Variants in LRRIQ1 observed in about 807,000 individuals in gnomAD.
LRRIQ1 encodes leucine rich repeats and IQ motif containing 1, also known as leucine-rich repeat- and IQ domain-containing protein 1.
LRRIQ1 carries 210 observed loss-of-function variants against 211.9 expected under a neutral mutation model. The observed-to-expected ratio is 0.99, with a 90% confidence interval of 0.89 to 1.11. The LOEUF (loss-of-function observed/expected upper bound fraction) is 1.11, where lower values mean the gene tolerates loss of function less well. Ranked by LOEUF, LRRIQ1 falls within the 50% of genes most tolerant of loss-of-function variation. LRRIQ1 has a pLI of 0.00. For missense variants in LRRIQ1, 2,136 were observed against 1,939.5 expected, an observed-to-expected ratio of 1.10 and a Z score of -1.90; for synonymous variants, 699 against 650.1, an observed-to-expected ratio of 1.08 and a Z score of -1.14.
intron 26 of LRRIQ1, among the ~76,000 whole-genome samples, chr12:85,240,945 T>C (rs1394238128): frequency 6.6e-6 from 1 of 152,092 alleles, no homozygotes; most frequent in African/African-American, 2.4e-5. Context: ...AATAGTTGAA[T>C]CTATACATAT....
intron 11 of LRRIQ1, among the ~76,000 whole-genome samples, chr12:85,077,013 G>A (rs1271230280): frequency 6.6e-6 from 1 of 152,130 alleles, no homozygotes; most frequent in Non-Finnish European, 1.5e-5. Flanking sequence ...TATACAACAT[G>A]TATAATCCTG....
intron 24 of LRRIQ1, among the ~76,000 whole-genome samples, chr12:85,192,237 T>A (rs1399814175): frequency 6.6e-6 from 1 of 150,800 alleles, no homozygotes; most frequent in Non-Finnish European, 1.5e-5. Flanking sequence ...AGCTGCCACT[T>A]ATACATGAGA....
Position 85,116,390 on chromosome 12 carries a change from C to T in LRRIQ1, c.3378-5307C>T, listed in dbSNP as rs550506175. On this transcript the variant is annotated intron_variant, in intron 15 of 26. Transcript: ENST00000393217. ...GGATCTCCTGACCTCGTGATCCGCC[C>T]GCCTCGGCCTCCCAAAGTGCTGGGA... Among the ~76,000 whole-genome samples, 395 of 152,174 alleles carry T rather than the reference C, an allele frequency of 2.6e-3. 2 individuals are homozygous for T. Among genetic ancestry groups the T allele is most frequent in the African/African-American group, 9.1e-3 (376 of 41,520 alleles).
intron 24 of LRRIQ1, among the ~76,000 whole-genome samples, chr12:85,217,991 T>C (rs1894235468): frequency 6.6e-6 from 1 of 151,824 alleles, no homozygotes; most frequent in African/African-American, 2.4e-5. Context: ...TTTTCAAGGA[T>C]AATTAAATTG....
intron 26 of LRRIQ1, among the ~76,000 whole-genome samples, chr12:85,235,054 T>C (rs901472464): frequency 2.6e-5 from 4 of 152,190 alleles, no homozygotes; most frequent in African/African-American, 9.7e-5. Context: ...TTAGTAACCT[T>C]CAATAGTGAG....
intron 24 of LRRIQ1, among the ~76,000 whole-genome samples, chr12:85,210,854 C>A (rs1893804946): frequency 1.3e-5 from 2 of 152,160 alleles, no homozygotes; most frequent in South Asian, 4.1e-4. Flanking sequence ...TCACTTGCTG[C>A]TCAGCACTAT....
At chr12:85,157,782 G>A (rs1890633668) in intron 23 of LRRIQ1, among the ~76,000 whole-genome samples, 1 of 151,788 alleles carries the variant, frequency 6.6e-6, no homozygotes. Context: ...TCTGAGTATA[G>A]GGATTTTGGT....
At chr12:85,111,086 A>G (rs1424932823) in intron 15 of LRRIQ1, among the ~76,000 whole-genome samples, 1 of 152,040 alleles carries the variant, frequency 6.6e-6, no homozygotes, top group Non-Finnish European at 1.5e-5. Flanking sequence ...TCAATACTAG[A>G]TTATTTCTTG....
chr12:85,219,266 ATTTAC>A (rs1894292829), intron 24 of LRRIQ1, among the ~76,000 whole-genome samples: 1 of 152,114 alleles, frequency 6.6e-6, no homozygotes, highest in Non-Finnish European at 1.5e-5. Context: ...GGCAAAACAT[ATTTAC>A]TTTAATGTAG....
intron 19 of LRRIQ1, among the ~76,000 whole-genome samples, chr12:85,146,535 T>C (rs1037187882): frequency 7.9e-5 from 12 of 151,790 alleles, no homozygotes; most frequent in African/African-American, 2.4e-4. Flanking sequence ...TTGTTTTTGT[T>C]TTTGAAGGAG....
chr12:85,240,258 A>G (rs1198868813), intron 26 of LRRIQ1, among the ~76,000 whole-genome samples: 1 of 152,174 alleles, frequency 6.6e-6, no homozygotes, highest in African/African-American at 2.4e-5. Flanking sequence ...GCCACTATAT[A>G]ATACCACTCT....
chr12:85,103,503 ATTAG>A (rs555118976), intron 13 of LRRIQ1, among the ~76,000 whole-genome samples: 132 of 151,860 alleles, frequency 8.7e-4, no homozygotes, highest in African/African-American at 2.9e-3. Flanking sequence ...AAAACTAGTG[ATTAG>A]TTAGTTCTCC....
At chr12:85,182,634 A>G (rs1240778207) in intron 24 of LRRIQ1, among the ~76,000 whole-genome samples, 1 of 152,190 alleles carries the variant, frequency 6.6e-6, no homozygotes, top group African/African-American at 2.4e-5. Context: ...GAGCTCACAC[A>G]ATAGAGGCCC....
In LRRIQ1 at chr12:85,127,853, G is replaced by C. The variant is rs1323691602; in HGVS notation, c.4029G>C (p.Gln1343His). 6.2e-7 allele frequency: 1 copy of C among 1,613,774 alleles called. No homozygotes were observed. Among genetic ancestry groups the C allele is most frequent in the East Asian group, 2.2e-5 (1 of 44,858 alleles). ...SEKIMAAVVI[Q>H]SYWRGYLMRR... ...ATAGTATGGCAGCTGTGGTAATCCA[G>C]TCATACTGGCGTGGTTACCTCATGC... is the stretch of plus-strand genomic sequence containing the variant. Residue 1343 changes from glutamine to histidine, a missense_variant, in exon 18 of 27, where the codon CAG becomes CAC. Transcript: ENST00000393217.
intron 6 of LRRIQ1, among the ~76,000 whole-genome samples, chr12:85,051,098 C>T (rs1880253180): frequency 6.6e-6 from 1 of 151,982 alleles, no homozygotes; most frequent in African/African-American, 2.4e-5. Flanking sequence ...GGTGCTCTCC[C>T]CATAGTAATG....
Position 85,121,562 on chromosome 12 carries a change from C to A in LRRIQ1, c.3378-135C>A, listed in dbSNP as rs1415193199. ...CAACAAAAACAAAATCTAACTCTAT[C>A]ATTTTCCCTACAGTCACATTTTCTG... On this transcript the variant is annotated intron_variant, in intron 15 of 26. Coordinates refer to ENST00000393217, the MANE Select transcript of LRRIQ1 (RefSeq NM_001079910.2). 1.0e-5 allele frequency: 6 copies of A among 598,812 alleles called. No homozygotes were observed. In the Admixed American group the frequency reaches 1.7e-4, roughly 17 times the overall value. 37.1% of individuals were successfully genotyped at this position (598,812 alleles called of 1,614,324 possible).
chr12:85,173,218 T>G (rs1274671434), intron 24 of LRRIQ1, among the ~76,000 whole-genome samples: 1 of 152,224 alleles, frequency 6.6e-6, no homozygotes, highest in Non-Finnish European at 1.5e-5. Flanking sequence ...ACATTAACAT[T>G]AATTCTGTAA....
chr12:85,131,187 T>G (rs1246764467), intron 18 of LRRIQ1, among the ~76,000 whole-genome samples: 1 of 150,824 alleles, frequency 6.6e-6, no homozygotes, highest in Non-Finnish European at 1.5e-5. Flanking sequence ...CACTCCAGCC[T>G]GGGCAACAGA....
At position 85,040,606 on chromosome 12, in the gene LRRIQ1, G is replaced by T; in HGVS notation, c.244+5G>T. ...TGGAAGATACTGATATTTTAAGTAAGTACTATTTTCATCTGTCTGGCAGAT... is the reference window on the plus strand; with the variant it reads ...TGGAAGATACTGATATTTTAAGTAATTACTATTTTCATCTGTCTGGCAGAT... On this transcript the variant is annotated splice_donor_5th_base_variant and intron_variant, in intron 3 of 26. Coordinates refer to ENST00000393217, the MANE Select transcript of LRRIQ1 (RefSeq NM_001079910.2). 1 of 1,518,160 alleles carries T rather than the reference G, an allele frequency of 6.6e-7. No homozygotes were observed. The highest frequency in any genetic ancestry group is 9.1e-7 in the Non-Finnish European group (1 of 1,101,676). The allele number at this position is 1,518,160 out of a possible 1,614,324, so 94.0% of individuals were successfully genotyped here. A position where few individuals can be genotyped will look rare whatever the true frequency, so the allele number is the denominator to read the frequency against.
Sources: gnomAD v4.1 joint callset for allele counts (sites outside exome capture counted in the v4.1 genomes callset) on GRCh38, gnomAD v4.1.1 for gene constraint, MANE v1.5 for transcripts, NCBI Gene and HGNC (gene_info 2026-07-23, HGNC 2026-07-21) for gene names.